NCAPD3: variants seen among roughly 807,000 people sequenced by gnomAD.
The protein encoded by NCAPD3 is non-SMC condensin II complex subunit D3.
Under a neutral mutation model 182.9 loss-of-function variants are expected in NCAPD3, and 105 were observed. The ratio of observed to expected loss-of-function variants is 0.57; its 90% confidence interval spans 0.49 to 0.68. The LOEUF (loss-of-function observed/expected upper bound fraction) is 0.68. Among genes scored for constraint, NCAPD3 ranks in the 30% least tolerant of loss-of-function variants. NCAPD3 has a pLI of 0.00. For missense variants in NCAPD3, 1,944 were observed against 1,837.0 expected, an observed-to-expected ratio of 1.06 and a Z score of -1.07; for synonymous variants, 815 against 679.9, an observed-to-expected ratio of 1.20 and a Z score of -3.09.
chr11:134,216,755 G>T (rs1234476499), intron 3 of NCAPD3, among the ~76,000 whole-genome samples, 181 bp downstream of exon 3: 6 of 152,048 alleles, frequency 3.9e-5, no homozygotes, highest in Non-Finnish European at 1.5e-5. Context: ...AAGGGGGAAG[G>T]TTTTCCAAGA....
chr11:134,191,775 GA>G, intron 16 of NCAPD3, among the ~76,000 whole-genome samples: 1 of 152,320 alleles, frequency 6.6e-6, no homozygotes, highest in African/African-American at 2.4e-5. Context: ...CTTGGGACCA[GA>G]AGTGTTTTGG....
intron 27 of NCAPD3, among the ~76,000 whole-genome samples, chr11:134,165,775 ACT>A (rs1025607348): frequency 1.4e-5 from 2 of 140,440 alleles, no homozygotes; most frequent in Admixed American, 7.2e-5. Context: ...GGAGGTACAC[ACT>A]CGTGAGAGGA....
In NCAPD3 at chr11:134,209,484, T is replaced by C. The variant is rs1264453510; in HGVS notation, c.568-7A>G. 1.2e-6 allele frequency: 2 copies of C among 1,606,448 alleles called. No homozygotes were observed. The highest frequency in any genetic ancestry group is 4.5e-5 in the East Asian group (2 of 44,838). On this transcript the variant is annotated splice_region_variant and splice_polypyrimidine_tract_variant and intron_variant, in intron 4 of 34. Transcript: ENST00000534548. ...CTTCTATAATTTCATCCATCTAGAT[T>C]ATGAAGAAATGTACAGGTGACTGTA...
At chr11:134,218,340 C>G (rs929159170) in intron 2 of NCAPD3, among the ~76,000 whole-genome samples, 1 of 152,094 alleles carries the variant, frequency 6.6e-6, no homozygotes, top group Non-Finnish European at 1.5e-5. Context: ...CTGCAGACCC[C>G]GTCCAATCAG....
At chr11:134,168,299 G>A (rs149441349) in intron 26 of NCAPD3, 104 bp from the exon 27 acceptor site, 13 of 1,423,058 alleles carry the variant, frequency 9.1e-6, no homozygotes, top group African/African-American at 4.2e-5. Flanking sequence ...GCTGTCAGGG[G>A]GTCTGCAAGG....
At chr11:134,210,175 C>A in intron 4 of NCAPD3, 95 bp downstream of exon 4, 1 of 1,096,960 alleles carries the variant, frequency 9.1e-7, no homozygotes, top group South Asian at 1.6e-5. Context: ...TGCCTATAAT[C>A]ATGATGCCTG....
chr11:134,218,237 T>C (rs1938103288), intron 2 of NCAPD3, among the ~76,000 whole-genome samples: 1 of 152,008 alleles, frequency 6.6e-6, no homozygotes, highest in Non-Finnish European at 1.5e-5. Context: ...ACCAGGGCTC[T>C]GCATATGGGG....
chr11:134,157,217 C>T lies in NCAPD3; in HGVS notation c.4175-122G>A, dbSNP rs528597080. 4 of 674,040 alleles carry T rather than the reference C, an allele frequency of 5.9e-6. No homozygotes were observed. The Admixed American group carries it at 9.8e-5, about 17-fold the overall frequency. 41.8% of individuals were successfully genotyped at this position (674,040 alleles called of 1,614,324 possible). A position where few individuals can be genotyped will look rare whatever the true frequency, so the allele number is the denominator to read the frequency against. On this transcript the variant is annotated intron_variant, in intron 31 of 34. Coordinates refer to ENST00000534548, the MANE Select transcript of NCAPD3 (RefSeq NM_015261.3). ...CAAAATCACTAGTGTTTACAATTTT[C>T]TTATAAAGAGGCAATTCAGGAAGAA...
intron 27 of NCAPD3, 100 bp from the exon 28 acceptor site, chr11:134,161,991 T>G (rs148773054): frequency 6.6e-6 from 4 of 609,070 alleles, no homozygotes; most frequent in Non-Finnish European, 8.5e-6. Flanking sequence ...TACCACACTA[T>G]GTAAGTTTAT....
At chr11:134,216,389 G>T (rs1334874661) in intron 3 of NCAPD3, among the ~76,000 whole-genome samples, 1 of 152,154 alleles carries the variant, frequency 6.6e-6, no homozygotes, top group Non-Finnish European at 1.5e-5. Context: ...TTGGAGTAGG[G>T]AAGAGAATGG....
chr11:134,214,555 AT>A (rs1328121879), intron 3 of NCAPD3, among the ~76,000 whole-genome samples: 1 of 152,062 alleles, frequency 6.6e-6, no homozygotes, highest in African/African-American at 2.4e-5. Flanking sequence ...AATCGTAGAC[AT>A]AAGACCAGAA....
At position 134,220,561 on chromosome 11, in the gene NCAPD3, T is replaced by C. The variant is rs372627249; in HGVS notation, c.219+11A>G. The C allele has an allele frequency of 4.4e-6, 7 of 1,602,712 alleles. No homozygotes were observed. Among genetic ancestry groups the C allele is most frequent in the Non-Finnish European group, 4.3e-6 (5 of 1,172,878 alleles). ...CACCAAACTTTGGCTAGTTTGTTTT[T>C]ATATTTTTACCTCCATAGATCCATG... On this transcript the variant is annotated intron_variant, in intron 2 of 34. Coordinates refer to ENST00000534548, the MANE Select transcript of NCAPD3 (RefSeq NM_015261.3).
intron 1 of NCAPD3, among the ~76,000 whole-genome samples, chr11:134,222,362 G>T (rs895736036): frequency 6.6e-6 from 1 of 152,184 alleles, no homozygotes; most frequent in East Asian, 1.9e-4. Context: ...ATACTAGAGG[G>T]TTCTTGTCCA....
chr11:134,223,012 G>T (rs117909594), intron 1 of NCAPD3: 3,184 of 189,166 alleles, frequency 0.017, 32 homozygotes, highest in Non-Finnish European at 0.025. Flanking sequence ...GATGCTATGG[G>T]GTAGAGCCAA....
At chr11:134,176,283 G>C (rs142741076) in intron 24 of NCAPD3, 24 bp downstream of exon 24, 1 of 1,598,520 alleles carries the variant, frequency 6.3e-7, no homozygotes, top group South Asian at 1.1e-5. Context: ...CTGTTGAGTC[G>C]TCTGACGTGA....
intron 27 of NCAPD3, among the ~76,000 whole-genome samples, chr11:134,166,718 A>C (rs1350972415): frequency 9.7e-6 from 1 of 103,440 alleles, no homozygotes; most frequent in Admixed American, 1.0e-4. Context: ...TAGGGAGAGC[A>C]GCACACTCAC....
Position 134,177,206 on chromosome 11 carries a change from C to T in NCAPD3, c.3021+13G>A. The T allele has an allele frequency of 6.3e-7, 1 of 1,586,912 alleles. No individual in the cohort carries two copies. The highest frequency in any genetic ancestry group is 8.7e-7 in the Non-Finnish European group (1 of 1,155,356). On this transcript the variant is annotated intron_variant, in intron 23 of 34. Coordinates refer to ENST00000534548, the MANE Select transcript of NCAPD3 (RefSeq NM_015261.3). ...GGTGAAGGGGAAAGGACAGATTGAA[C>T]CCCCCTACGCACCTGCAAGAGATTG...
At chr11:134,178,133 G>A (rs997257564) in intron 22 of NCAPD3, 2 of 152,268 alleles carry the variant, frequency 1.3e-5, no homozygotes, top group Non-Finnish European at 2.9e-5. Flanking sequence ...AAAATAATTT[G>A]AGTTCATGGA....
Position 134,220,642 on chromosome 11 carries a change from C to A in NCAPD3, c.149G>T (p.Gly50Val). The change falls in exon 2 of 35, where the codon GGA becomes GTA. Residue 50 changes from glycine to valine, a missense_variant. Gly to Val is a moderately radical substitution (Grantham distance 109). Coordinates refer to ENST00000534548, the MANE Select transcript of NCAPD3 (RefSeq NM_015261.3). ...PSIEAEIIET[G>V]LAAFTKLYES... Reference sequence around the variant, plus strand: ...ATAGAGTTTTGTGAATGCAGCCAATCCAGTCTCTATGATCTCTGCTTCTAT... The same window carrying A: ...ATAGAGTTTTGTGAATGCAGCCAATACAGTCTCTATGATCTCTGCTTCTAT... The A allele has an allele frequency of 6.2e-7, 1 of 1,613,994 alleles. No homozygotes were observed. The highest frequency in any genetic ancestry group is 8.5e-7 in the Non-Finnish European group (1 of 1,179,866).
Sources: gnomAD v4.1 joint callset for allele counts (sites outside exome capture counted in the v4.1 genomes callset) on GRCh38, gnomAD v4.1.1 for gene constraint, MANE v1.5 for transcripts, NCBI Gene and HGNC (gene_info 2026-07-23, HGNC 2026-07-21) for gene names.